The following CIRSR variants were observed in gnomAD, a reference collection of about 807,000 sequenced individuals.
CIRSR encodes the protein CBF1 (RBPJ) interacting corepressor 1.
At chr2:174,365,321 T>C in the CIRSR span, among the ~76,000 whole-genome samples, 1 of 152,206 alleles carries the variant, frequency 6.6e-6, no homozygotes, top group Non-Finnish European at 1.5e-5. Flanking sequence ...TCAAAGCTAT[T>C]CAACAAGTCT....
the CIRSR span, among the ~76,000 whole-genome samples, chr2:174,350,202 A>G: frequency 0.01 from 1,534 of 152,226 alleles, 40 homozygotes; most frequent in Admixed American, 0.049. Flanking sequence ...AGCTCCCTCT[A>G]TTGGACCCAG....
chr2:174,349,231 T>A, the CIRSR span: 3 of 899,286 alleles, frequency 3.3e-6, no homozygotes, highest in Non-Finnish European at 3.2e-6. Context: ...TCATCAACTG[T>A]AAGTTATGAA....
At chr2:174,367,559 A>G in the CIRSR span, among the ~76,000 whole-genome samples, 1 of 151,972 alleles carries the variant, frequency 6.6e-6, no homozygotes, top group Non-Finnish European at 1.5e-5. Flanking sequence ...CAGCTGGGCA[A>G]CAGACCGAGA....
the CIRSR span, among the ~76,000 whole-genome samples, chr2:174,363,974 G>A: frequency 1.3e-5 from 2 of 152,158 alleles, no homozygotes; most frequent in East Asian, 3.9e-4. Flanking sequence ...TCCCCCGAAG[G>A]CCTAACTCAT....
At chr2:174,370,119 C>T in the CIRSR span, 9 of 1,291,806 alleles carry the variant, frequency 7.0e-6, no homozygotes, top group African/African-American at 3.0e-5. Flanking sequence ...CTGAGTTCAA[C>T]GGCGGGCATA....
the CIRSR span, chr2:174,380,590 G>T: frequency 1.4e-6 from 2 of 1,419,096 alleles, no homozygotes; most frequent in Non-Finnish European, 9.8e-7. Context: ...CATAAGATGG[G>T]ATATCAGTAA....
At chr2:174,376,801 G>GAA in the CIRSR span, among the ~76,000 whole-genome samples, 6 of 106,912 alleles carry the variant, frequency 5.6e-5, no homozygotes, top group Admixed American at 1.1e-4. Context: ...CTGTCTCAGG[G>GAA]AAAAAAAAAA....
chr2:174,356,753 A>G, the CIRSR span, among the ~76,000 whole-genome samples: 1 of 152,120 alleles, frequency 6.6e-6, no homozygotes, highest in East Asian at 1.9e-4. Flanking sequence ...CCTAAAGTGA[A>G]TATAGTTTTG....
At chr2:174,386,692 C>CA in the CIRSR span, among the ~76,000 whole-genome samples, 8 of 151,976 alleles carry the variant, frequency 5.3e-5, no homozygotes, top group Non-Finnish European at 1.0e-4. Flanking sequence ...AGGGAGGGCG[C>CA]AAAAAACGGC....
the CIRSR span, among the ~76,000 whole-genome samples, chr2:174,363,991 A>G: frequency 6.6e-6 from 1 of 152,218 alleles, no homozygotes; most frequent in Non-Finnish European, 1.5e-5. Context: ...TCATTTCAGC[A>G]TCAACTCAAA....
chr2:174,363,607 G>A, the CIRSR span, among the ~76,000 whole-genome samples: 60 of 152,282 alleles, frequency 3.9e-4, no homozygotes, highest in Admixed American at 1.2e-3. Context: ...AAAAGAAAGA[G>A]GTTTAATTGG....
the CIRSR span, among the ~76,000 whole-genome samples, chr2:174,372,157 A>G: frequency 1.3e-5 from 2 of 152,230 alleles, no homozygotes; most frequent in Non-Finnish European, 2.9e-5. Flanking sequence ...GTCAAACTTT[A>G]AAGGCATTAA....
the CIRSR span, chr2:174,378,990 T>C: frequency 6.2e-7 from 1 of 1,614,078 alleles, no homozygotes; most frequent in East Asian, 2.2e-5. Flanking sequence ...ATTCTCGATC[T>C]GTGTTGACAT....
At chr2:174,367,137 G>A in the CIRSR span, among the ~76,000 whole-genome samples, 2 of 152,128 alleles carry the variant, frequency 1.3e-5, no homozygotes, top group Admixed American at 6.5e-5. Context: ...GATAAGAATG[G>A]TCTTAACACA....
the CIRSR span, among the ~76,000 whole-genome samples, chr2:174,359,862 A>G: frequency 6.6e-6 from 1 of 152,230 alleles, no homozygotes; most frequent in Non-Finnish European, 1.5e-5. Context: ...CATCTACACC[A>G]TGGAATACTA....
the CIRSR span, chr2:174,350,675 T>A: frequency 6.2e-7 from 1 of 1,604,584 alleles, no homozygotes; most frequent in Non-Finnish European, 8.5e-7. Context: ...AAGTTTCTGT[T>A]TTTGTTTGGT....
At chr2:174,379,974 C>T in the CIRSR span, among the ~76,000 whole-genome samples, 6 of 151,920 alleles carry the variant, frequency 3.9e-5, no homozygotes, top group African/African-American at 4.8e-5. Context: ...CCGCCCGCCT[C>T]GGCCTCCCAA....
At chr2:174,376,761 A>G in the CIRSR span, among the ~76,000 whole-genome samples, 2 of 144,554 alleles carry the variant, frequency 1.4e-5, no homozygotes, top group African/African-American at 2.6e-5. Context: ...TCGTGCCACC[A>G]CACTCCAGCC....
At chr2:174,378,257 A>G in the CIRSR span, among the ~76,000 whole-genome samples, 3 of 152,260 alleles carry the variant, frequency 2.0e-5, no homozygotes, top group Admixed American at 6.5e-5. Context: ...AAGTTCATAA[A>G]AGTGAAAGGA....
Sources: gnomAD v4.1 joint callset for allele counts (sites outside exome capture counted in the v4.1 genomes callset) on GRCh38, gnomAD v4.1.1 for gene constraint, MANE v1.5 for transcripts, NCBI Gene and HGNC (gene_info 2026-07-23, HGNC 2026-07-21) for gene names.